The following LRRC4C variants were observed in gnomAD, a reference collection of about 807,000 sequenced individuals.
LRRC4C encodes leucine-rich repeat-containing protein 4C.
Under a neutral mutation model 33.6 loss-of-function variants are expected in LRRC4C, and 5 were observed. The ratio of observed to expected loss-of-function variants is 0.15; its 90% CI spans 0.08 to 0.31. LRRC4C has a LOEUF of 0.31. LRRC4C is among the 10% of genes least tolerant of loss of function. The probability of loss-of-function intolerance (pLI) is 1.00; values close to 1 mark genes in which losing one functional copy is unlikely to be tolerated. For synonymous variants in LRRC4C, 329 were observed against 302.0 expected (o/e 1.09, Z -0.93); for missense variants, 560 against 796.7 (o/e 0.70, Z 3.58).
chr11:41,270,168 T>C (rs1949275954), intron 1 of LRRC4C, among the ~76,000 whole-genome samples: 1 of 152,066 alleles, frequency 6.6e-6, no homozygotes, highest in African/African-American at 2.4e-5. Flanking sequence ...CTTTCTATTA[T>C]CACACCTGGG....
In LRRC4C at chr11:40,805,561, C is replaced by A. The variant is rs149446915; in HGVS notation, c.-407+128074G>T. On this transcript the variant is annotated intron_variant, in intron 2 of 6. Coordinates refer to ENST00000528697, the MANE Select transcript of LRRC4C (RefSeq NM_001258419.2). ...GACATATCTATACAAAATAAATTAA[C>A]CCTGGGTGTACTAAACACTAGTTTC... Among the ~76,000 whole-genome samples the A allele has an allele frequency of 4.1e-3, 624 of 152,138 alleles. 18 individuals carry two copies. The highest frequency in any genetic ancestry group is 0.036 in the Admixed American group (556 of 15,290).
intron 1 of LRRC4C, among the ~76,000 whole-genome samples, chr11:41,263,354 C>T (rs1949044744): frequency 6.6e-6 from 1 of 152,064 alleles, no homozygotes; most frequent in African/African-American, 2.4e-5. Flanking sequence ...TAAGAACAGT[C>T]TAAAAATGTA....
At chr11:41,161,330 G>A (rs1944461739) in intron 1 of LRRC4C, among the ~76,000 whole-genome samples, 1 of 152,094 alleles carries the variant, frequency 6.6e-6, no homozygotes, top group Non-Finnish European at 1.5e-5. Context: ...AGTCCCTCCT[G>A]CTTATTTCTG....
At chr11:41,250,386 G>A (rs905296337) in intron 1 of LRRC4C, among the ~76,000 whole-genome samples, 1 of 152,162 alleles carries the variant, frequency 6.6e-6, no homozygotes, top group African/African-American at 2.4e-5. Flanking sequence ...CTGGCAAGAC[G>A]ATCTCAGCAG....
At chr11:40,620,231 C>A (rs1962318859) in intron 3 of LRRC4C, among the ~76,000 whole-genome samples, 1 of 151,540 alleles carries the variant, frequency 6.6e-6, no homozygotes, top group Admixed American at 6.6e-5. Context: ...CTTTCCATCC[C>A]ATTATATGTT....
At chr11:41,441,609 C>T (rs1955621674) in intron 1 of LRRC4C, among the ~76,000 whole-genome samples, 1 of 66,430 alleles carries the variant, frequency 1.5e-5, no homozygotes, top group African/African-American at 4.3e-5. Context: ...TTATTTTTTT[C>T]CAGTTAAAAA....
intron 1 of LRRC4C, among the ~76,000 whole-genome samples, chr11:41,033,828 A>G (rs1216631403): frequency 6.6e-6 from 1 of 152,134 alleles, no homozygotes; most frequent in Non-Finnish European, 1.5e-5. Context: ...ACTTCTTTTG[A>G]AATTAATTTG....
At chr11:41,251,687 G>A (rs536575621) in intron 1 of LRRC4C, among the ~76,000 whole-genome samples, 1 of 152,266 alleles carries the variant, frequency 6.6e-6, no homozygotes, top group East Asian at 1.9e-4. Context: ...ACAAAAATGA[G>A]TATTAATTAT....
intron 3 of LRRC4C, among the ~76,000 whole-genome samples, chr11:40,546,057 T>TCTTCCTTC (rs138499350): frequency 1.4e-5 from 2 of 146,040 alleles, no homozygotes; most frequent in African/African-American, 2.5e-5. Context: ...TTTCTCCAAG[T>TCTTCCTTC]CTTCCTTCCT....
intron 2 of LRRC4C, among the ~76,000 whole-genome samples, chr11:40,885,226 G>GTTAAA (rs1266549935): frequency 6.6e-6 from 1 of 151,986 alleles, no homozygotes; most frequent in Non-Finnish European, 1.5e-5. Context: ...TAAATTAATT[G>GTTAAA]TTAAATTTAA....
chr11:40,226,936 C>T (rs1349890489), intron 5 of LRRC4C, among the ~76,000 whole-genome samples: 1 of 152,176 alleles, frequency 6.6e-6, no homozygotes, highest in Non-Finnish European at 1.5e-5. Context: ...AGTCTTTTAT[C>T]TCAGGATGCT....
chr11:40,512,267 C>T (rs1362233769), intron 3 of LRRC4C, among the ~76,000 whole-genome samples: 2 of 151,948 alleles, frequency 1.3e-5, no homozygotes, highest in Admixed American at 6.6e-5. Context: ...TCCAGCTACT[C>T]GGCAGCTGAG....
chr11:40,962,830 A>G (rs1851067200), intron 1 of LRRC4C, among the ~76,000 whole-genome samples: 2 of 151,778 alleles, frequency 1.3e-5, no homozygotes, highest in African/African-American at 2.4e-5. Context: ...TAATTAAATT[A>G]TCTTTTGTAA....
chr11:40,801,149 T>C (rs1951025139), intron 2 of LRRC4C, among the ~76,000 whole-genome samples: 1 of 152,184 alleles, frequency 6.6e-6, no homozygotes, highest in African/African-American at 2.4e-5. Flanking sequence ...TAGATATACC[T>C]ACAGTAAACT....
chr11:41,299,004 T>C (rs1950216094), intron 1 of LRRC4C, among the ~76,000 whole-genome samples: 1 of 152,196 alleles, frequency 6.6e-6, no homozygotes, highest in East Asian at 1.9e-4. Context: ...TTCCATTATG[T>C]ATATATACCA....
chr11:40,767,538 C>A (rs1203195530), intron 2 of LRRC4C, among the ~76,000 whole-genome samples: 2 of 151,992 alleles, frequency 1.3e-5, no homozygotes, highest in African/African-American at 4.8e-5. Flanking sequence ...TTCATCATCA[C>A]ATAGATCAGT....
At chr11:40,765,188 G>C (rs548862314) in intron 2 of LRRC4C, among the ~76,000 whole-genome samples, 2 of 152,274 alleles carry the variant, frequency 1.3e-5, no homozygotes, top group South Asian at 4.1e-4. Context: ...TGGAGGTGGG[G>C]CTTGGTGGGA....
intron 3 of LRRC4C, among the ~76,000 whole-genome samples, chr11:40,436,358 A>G (rs934905580): frequency 1.3e-5 from 2 of 152,234 alleles, no homozygotes; most frequent in Non-Finnish European, 2.9e-5. Flanking sequence ...TATGGAAAAT[A>G]GAGACTCAAA....
intron 1 of LRRC4C, among the ~76,000 whole-genome samples, chr11:41,382,998 T>C (rs1355361654): frequency 6.6e-6 from 1 of 152,092 alleles, no homozygotes; most frequent in Non-Finnish European, 1.5e-5. Flanking sequence ...CAATGCAACA[T>C]ACATCTTAGG....
Sources: gnomAD v4.1 joint callset for allele counts (sites outside exome capture counted in the v4.1 genomes callset) on GRCh38, gnomAD v4.1.1 for gene constraint, MANE v1.5 for transcripts, NCBI Gene and HGNC (gene_info 2026-07-23, HGNC 2026-07-21) for gene names.